GREB1: variants seen among roughly 807,000 people sequenced by gnomAD.
The protein encoded by GREB1 is protein GREB1.
Under a neutral mutation model 200.7 loss-of-function variants are expected in GREB1, and 106 were observed. The observed-to-expected ratio is 0.53, with a 90% CI of 0.45 to 0.62. The LOEUF (loss-of-function observed/expected upper bound fraction) is 0.62, where lower values mean the gene tolerates loss of function less well. Ranked by LOEUF, GREB1 falls within the 20% of genes least tolerant of loss-of-function variation. The probability of loss-of-function intolerance (pLI) is 0.00; values close to 1 mark genes in which losing one functional copy is unlikely to be tolerated. For missense variants in GREB1, 2,243 were observed against 2,556.8 expected, an observed-to-expected ratio of 0.88 and a Z score of 2.65; for synonymous variants, 1,132 against 1,092.4, an observed-to-expected ratio of 1.04 and a Z score of -0.72.
chr2:11,490,825 A>T (rs1452648384), intron 1 of GREB1, among the ~76,000 whole-genome samples: 1 of 152,188 alleles, frequency 6.6e-6, no homozygotes, highest in Non-Finnish European at 1.5e-5. Flanking sequence ...TTGGGATTAC[A>T]GGGGTGAGCC....
chr2:11,551,766 C>T lies in GREB1; in HGVS notation c.-161-4688C>T, dbSNP rs530843353. On this transcript the variant is annotated intron_variant, in intron 1 of 32. Coordinates refer to ENST00000381486, the MANE Select transcript of GREB1 (RefSeq NM_014668.4). ...CCGCAGCCCGGGTTCGATTCCCGGTCATGGAACCAAGAAGTGGAGCAGGAC... is the reference window on the plus strand; with the variant it reads ...CCGCAGCCCGGGTTCGATTCCCGGTTATGGAACCAAGAAGTGGAGCAGGAC... Among the ~76,000 whole-genome samples, 9 of 152,306 alleles carry T rather than the reference C, an allele frequency of 5.9e-5. No individual in the cohort carries two copies. In the South Asian group the frequency reaches 1.5e-3, roughly 25 times the overall value.
intron 1 of GREB1, among the ~76,000 whole-genome samples, chr2:11,554,551 G>A (rs1027455572): frequency 1.3e-5 from 2 of 152,186 alleles, no homozygotes; most frequent in Admixed American, 6.5e-5. Flanking sequence ...TCGCTTGACC[G>A]ATGAAGCCAG....
chr2:11,598,038 G>A, intron 14 of GREB1, 60 bp downstream of exon 14: 4 of 1,227,050 alleles, frequency 3.3e-6, no homozygotes, highest in Non-Finnish European at 4.8e-6. Context: ...CGAAATCCAT[G>A]TGTGGGTGTT....
chr2:11,634,021 C>G lies in GREB1; in HGVS notation c.4992-110C>G, dbSNP rs114957560. 3.4e-3 allele frequency: 3,533 copies of G among 1,026,768 alleles called. 61 individuals carry two copies. In the African/African-American group the frequency reaches 0.045, roughly 13 times the overall value. 63.6% of individuals were successfully genotyped at this position (1,026,768 alleles called of 1,614,324 possible). A position where few individuals can be genotyped will look rare whatever the true frequency, so the allele number is the denominator to read the frequency against. On this transcript the variant is annotated intron_variant, in intron 28 of 32. Coordinates refer to ENST00000381486, the MANE Select transcript of GREB1 (RefSeq NM_014668.4). ...GGGGGGACTGTGCGGGGCACCGGCC[C>G]GTCCAGGTGTTCACGGCAGTCTGAG... is the stretch of plus-strand genomic sequence containing the variant.
intron 4 of GREB1, among the ~76,000 whole-genome samples, chr2:11,569,323 TA>T (rs1678022049): frequency 6.6e-6 from 1 of 152,064 alleles, no homozygotes; most frequent in Non-Finnish European, 1.5e-5. Context: ...CAGTTACGTC[TA>T]GGGGCTGGGT....
intron 23 of GREB1, among the ~76,000 whole-genome samples, chr2:11,621,836 A>T (rs990128853): frequency 6.6e-6 from 1 of 152,186 alleles, no homozygotes; most frequent in African/African-American, 2.4e-5. Flanking sequence ...AGGAAAGGAG[A>T]GGCTCTTCAG....
chr2:11,628,440 G>C (rs1164755350), intron 25 of GREB1, among the ~76,000 whole-genome samples: 1 of 152,084 alleles, frequency 6.6e-6, no homozygotes, highest in Admixed American at 6.5e-5. Flanking sequence ...TTTTACAGAG[G>C]GAAACAGCAC....
chr2:11,541,447 G>T (rs567165660), intron 1 of GREB1, among the ~76,000 whole-genome samples: 4 of 138,506 alleles, frequency 2.9e-5, no homozygotes, highest in Non-Finnish European at 6.5e-5. Context: ...GCAAGTGAGA[G>T]GGGGGCCATG....
chr2:11,550,184 T>G (rs891283526), intron 1 of GREB1, among the ~76,000 whole-genome samples: 1 of 152,182 alleles, frequency 6.6e-6, no homozygotes, highest in Non-Finnish European at 1.5e-5. Flanking sequence ...GCCATTGCAC[T>G]CCAGTCTGGG....
chr2:11,613,950 G>A (rs1012789494), intron 19 of GREB1, among the ~76,000 whole-genome samples: 4 of 152,102 alleles, frequency 2.6e-5, no homozygotes, highest in Non-Finnish European at 2.9e-5. Flanking sequence ...TTTCTGCTGC[G>A]CAAGTCTGAG....
chr2:11,508,765 G>C (rs1235345915), intron 1 of GREB1, among the ~76,000 whole-genome samples: 1 of 151,986 alleles, frequency 6.6e-6, no homozygotes, highest in Non-Finnish European at 1.5e-5. Flanking sequence ...TTGTTTGCCA[G>C]AATCTCCACC....
intron 1 of GREB1, among the ~76,000 whole-genome samples, chr2:11,541,700 C>T (rs542213022): frequency 1.3e-5 from 2 of 152,314 alleles, no homozygotes; most frequent in South Asian, 4.1e-4. Context: ...AACACAGCCT[C>T]ATCAGCCCTG....
At chr2:11,527,389 T>C (rs1392116009) in intron 1 of GREB1, among the ~76,000 whole-genome samples, 6 of 152,230 alleles carry the variant, frequency 3.9e-5, no homozygotes, top group Non-Finnish European at 5.9e-5. Flanking sequence ...ACTTAATTTG[T>C]TAGGAAATGC....
chr2:11,638,179 C>G (rs1042693042), intron 31 of GREB1, among the ~76,000 whole-genome samples: 39 of 152,150 alleles, frequency 2.6e-4, no homozygotes, highest in African/African-American at 8.0e-4. Flanking sequence ...TCACTTTTGT[C>G]GCCCAGGCTG....
chr2:11,596,389 G>T, intron 13 of GREB1, 150 bp downstream of exon 13: 1 of 533,424 alleles, frequency 1.9e-6, no homozygotes, highest in Non-Finnish European at 3.2e-6. Context: ...TATAGTGAGG[G>T]GGGACGGGGC....
At chr2:11,504,565 G>A (rs151218769) in intron 1 of GREB1, among the ~76,000 whole-genome samples, 46 of 152,238 alleles carry the variant, frequency 3.0e-4, no homozygotes, top group East Asian at 2.5e-3. Context: ...TGGAAACCAC[G>A]AATCTACTTT....
At chr2:11,578,073 T>C (rs1572779703) in intron 5 of GREB1, among the ~76,000 whole-genome samples, 1 of 152,178 alleles carries the variant, frequency 6.6e-6, no homozygotes, top group East Asian at 1.9e-4. Context: ...TCACCATTGC[T>C]CCCACTCTTG....
At chr2:11,630,141 C>T (rs757034623) in intron 26 of GREB1, 32 bp downstream of exon 26, 10 of 1,609,134 alleles carry the variant, frequency 6.2e-6, no homozygotes, top group Non-Finnish European at 8.5e-6. Context: ...GGGACAGATC[C>T]AAGTGGCTTC....
intron 10 of GREB1, among the ~76,000 whole-genome samples, chr2:11,590,618 C>T (rs1011369515): frequency 2.0e-5 from 3 of 152,172 alleles, no homozygotes; most frequent in Non-Finnish European, 4.4e-5. Flanking sequence ...TCCCACCCTC[C>T]GGGCCCCTAT....
Sources: allele counts gnomAD v4.1 joint callset (sites outside exome capture counted in the v4.1 genomes callset), GRCh38; gene constraint gnomAD v4.1.1; transcripts MANE v1.5; gene names NCBI Gene and HGNC (gene_info 2026-07-23, HGNC 2026-07-21).